EEFSEC: variants seen among roughly 807,000 people sequenced by gnomAD.
The protein encoded by EEFSEC is eukaryotic elongation factor, selenocysteine-tRNA specific, also known as selenocysteine-specific elongation factor.
EEFSEC carries 43 observed loss-of-function variants against 42.1 expected under a neutral mutation model. The observed-to-expected ratio is 1.02, with a 90% CI of 0.80 to 1.32. EEFSEC has a LOEUF of 1.32. Ranked by LOEUF, EEFSEC falls within the 40% of genes most tolerant of loss-of-function variation. The pLI, the probability that EEFSEC is intolerant of heterozygous loss-of-function variation, is 0.00. For missense variants in EEFSEC, 745 were observed against 803.6 expected, an observed-to-expected ratio of 0.93 and a Z score of 0.88; for synonymous variants, 354 against 339.1, an observed-to-expected ratio of 1.04 and a Z score of -0.48.
At chr3:128,239,496 G>A in intron 1 of EEFSEC, among the ~76,000 whole-genome samples, 1 of 152,176 alleles carries the variant, frequency 6.6e-6, no homozygotes, top group South Asian at 2.1e-4. Flanking sequence ...GCCTGAGGCT[G>A]TGCAGCTGGC....
chr3:128,251,050 A>G (rs2066181770), intron 2 of EEFSEC, among the ~76,000 whole-genome samples: 1 of 151,076 alleles, frequency 6.6e-6, no homozygotes, highest in Admixed American at 6.6e-5. Context: ...TGGATTGTTC[A>G]TTGCTGGTGG....
rs150815489 is a variant in EEFSEC at position 128,407,811 on chromosome 3, C to A, written c.1601-258C>A. 3.3e-5 allele frequency among the ~76,000 whole-genome samples: 5 copies of A among 152,254 alleles called. 1 individual carries two copies. In the South Asian group the frequency reaches 1.0e-3, roughly 32 times the overall value. On this transcript the variant is annotated intron_variant, in intron 6 of 6. Transcript: ENST00000254730. ...GTGCACTGGAAAGCAATGGACCACT[C>A]GGCACAGAGCAGCAGTCCCTCCAGG... is the stretch of plus-strand genomic sequence containing the variant.
At chr3:128,323,935 G>A (rs2067035706) in intron 4 of EEFSEC, among the ~76,000 whole-genome samples, 1 of 152,194 alleles carries the variant, frequency 6.6e-6, no homozygotes. Context: ...CCCCCCCTGT[G>A]GCAGGGGCTC....
rs773922924 is a variant in EEFSEC at position 128,358,370 on chromosome 3, C to T, written c.1597C>T (p.Pro533Ser). ...GAGCGGCAAGTTCAAGATCCACATC[C>T]CAGGTAAGTGCAGCCACTTCCTCCC... ...GQSGKFKIHIPGGLSPESKKI... is the reference protein window; with the variant it reads ...GQSGKFKIHISGGLSPESKKI... The change falls in exon 6 of 7, where the codon CCA (proline) becomes TCA (serine). Residue 533 changes from proline to serine, a missense_variant. Transcript: ENST00000254730. The T allele has an allele frequency of 1.2e-5, 19 of 1,614,166 alleles. No homozygotes were observed. The highest frequency in any genetic ancestry group is 1.6e-5 in the Non-Finnish European group (19 of 1,179,970).
chr3:128,210,968 G>A (rs2065749654), intron 1 of EEFSEC, among the ~76,000 whole-genome samples: 1 of 152,204 alleles, frequency 6.6e-6, no homozygotes, highest in African/African-American at 2.4e-5. Flanking sequence ...CTGCCAAATG[G>A]CCTTGAAAGG....
the EEFSEC span, among the ~76,000 whole-genome samples, chr3:128,418,481 C>T: frequency 4.6e-5 from 7 of 152,026 alleles, no homozygotes; most frequent in Non-Finnish European, 8.8e-5. Context: ...CTGACCTTCC[C>T]CCATTCTGCT....
At chr3:128,292,699 G>T (rs1253777095) in intron 4 of EEFSEC, among the ~76,000 whole-genome samples, 1 of 151,430 alleles carries the variant, frequency 6.6e-6, no homozygotes, top group African/African-American at 2.4e-5. Context: ...TCTTTATTTT[G>T]ATCAGTCTTG....
At chr3:128,169,545 A>G (rs140176123) in intron 1 of EEFSEC, among the ~76,000 whole-genome samples, 2,569 of 152,260 alleles carry the variant, frequency 0.017, 33 homozygotes, top group South Asian at 0.032. Context: ...GCCTTTATCC[A>G]TCCTTAGTCT....
In EEFSEC at chr3:128,287,346, A is replaced by G. The variant is rs377583404; in HGVS notation, c.786+22565A>G. ...GGGGGAGGAAGGAATGAGATCAAGA[A>G]TGGAATCTGGGGGCCCTGGGAAGTG... On this transcript the variant is annotated intron_variant, in intron 4 of 6. Transcript: ENST00000254730. Among the ~76,000 whole-genome samples, 3 of 152,230 alleles carry G rather than the reference A, an allele frequency of 2.0e-5. No homozygotes were observed. In the South Asian group the frequency reaches 6.2e-4, roughly 32 times the overall value.
chr3:128,219,033 C>T (rs573873528), intron 1 of EEFSEC, among the ~76,000 whole-genome samples: 6 of 152,296 alleles, frequency 3.9e-5, no homozygotes, highest in Non-Finnish European at 8.8e-5. Flanking sequence ...GAAGAGACCA[C>T]GAGAGGAGGC....
rs1281974679 is a variant in EEFSEC, at chr3:128,317,370, G to A, written c.787-23863G>A. Among the ~76,000 whole-genome samples, 3 of 152,168 alleles carry A rather than the reference G, an allele frequency of 2.0e-5. No individual in the cohort carries two copies. Among genetic ancestry groups the A allele is most frequent in the Non-Finnish European group, 4.4e-5 (3 of 68,028 alleles). ...TCCGCCCCGCTGCTGGAGCTCAGAC[G>A]CTCACTCTGGCCTTTCCTACCCTCA... On this transcript the variant is annotated intron_variant, in intron 4 of 6. Transcript: ENST00000254730. The surrounding 1 kb of genome is among the most constrained non-coding windows in gnomAD (Gnocchi z 4.1).
At chr3:128,343,456 CG>C (rs968137805) in intron 5 of EEFSEC, among the ~76,000 whole-genome samples, 37 of 152,110 alleles carry the variant, frequency 2.4e-4, no homozygotes, top group African/African-American at 7.0e-4. Flanking sequence ...CCCTTAGCTC[CG>C]GGGGGGCCGC....
At chr3:128,166,548 C>T (rs1336773149) in intron 1 of EEFSEC, among the ~76,000 whole-genome samples, 8 of 152,130 alleles carry the variant, frequency 5.3e-5, no homozygotes, top group Admixed American at 5.2e-4. Flanking sequence ...GGTTCTGTGT[C>T]CCTATTGTAG....
intron 4 of EEFSEC, among the ~76,000 whole-genome samples, chr3:128,297,610 A>C (rs1248023944): frequency 1.3e-5 from 2 of 152,094 alleles, no homozygotes; most frequent in Non-Finnish European, 2.9e-5. Flanking sequence ...TTCCTGCCTC[A>C]TTCTCATGTC....
intron 1 of EEFSEC, among the ~76,000 whole-genome samples, chr3:128,211,848 C>CTTTTTTTTTTTTTTT (rs34885945): frequency 1.2e-4 from 6 of 51,702 alleles, no homozygotes; most frequent in African/African-American, 4.1e-4. Context: ...TTTTTCTTTT[C>CTTTTTTTTTTTTTTT]TTTTTTTTTT....
chr3:128,404,486 G>A (rs567867908), intron 6 of EEFSEC, among the ~76,000 whole-genome samples: 8 of 152,340 alleles, frequency 5.3e-5, no homozygotes, highest in South Asian at 4.1e-4. Context: ...GGAGCCCCAC[G>A]CCTTCTCAGC....
At chr3:128,354,852 A>G (rs1377468281) in intron 5 of EEFSEC, among the ~76,000 whole-genome samples, 1 of 152,204 alleles carries the variant, frequency 6.6e-6, no homozygotes, top group Admixed American at 6.5e-5. Context: ...CCAGGCTCTG[A>G]TTACCCTGGA....
At chr3:128,299,799 C>G (rs1454090803) in intron 4 of EEFSEC, among the ~76,000 whole-genome samples, 1 of 152,214 alleles carries the variant, frequency 6.6e-6, no homozygotes, top group African/African-American at 2.4e-5. Context: ...CCACGTATTT[C>G]ATAAACCTTA....
chr3:128,170,892 G>T (rs2065289360), intron 1 of EEFSEC, among the ~76,000 whole-genome samples: 1 of 152,210 alleles, frequency 6.6e-6, no homozygotes, highest in Non-Finnish European at 1.5e-5. Context: ...AGTCAGTTAT[G>T]TTTGGTCTGA....
Sources: allele counts gnomAD v4.1 joint callset (sites outside exome capture counted in the v4.1 genomes callset), GRCh38; gene constraint gnomAD v4.1.1; non-coding constraint Gnocchi (gnomAD v3.1); transcripts MANE v1.5; gene names NCBI Gene and HGNC (gene_info 2026-07-23, HGNC 2026-07-21).